Variants in MSTO1 observed in about 807,000 individuals in gnomAD.
MSTO1 encodes misato mitochondrial distribution and morphology regulator 1.
A neutral mutation model predicts 55.7 loss-of-function variants in MSTO1; 24 were observed. The ratio of observed to expected loss-of-function variants is 0.43; its 90% confidence interval spans 0.31 to 0.61. The LOEUF (loss-of-function observed/expected upper bound fraction) is 0.61. Ranked by LOEUF, MSTO1 falls within the 20% of genes least tolerant of loss-of-function variation. The pLI is 0.09. For missense variants in MSTO1, 363 were observed against 625.7 expected (o/e 0.58, Z 4.48); for synonymous variants, 162 against 252.8 (o/e 0.64, Z 3.41).
the MSTO1 span, among the ~76,000 whole-genome samples, chr1:155,573,350 C>T: frequency 6.6e-6 from 1 of 151,970 alleles, no homozygotes; most frequent in African/African-American, 2.4e-5. Context: ...ATCGCTTGAG[C>T]CCAAGAGTTT....
the MSTO1 span, chr1:155,586,771 T>C: frequency 2.3e-6 from 1 of 432,978 alleles, no homozygotes; most frequent in Non-Finnish European, 4.6e-6. Flanking sequence ...TTTTTTTAAC[T>C]CAGTCTTGCT....
At chr1:155,591,497 T>C in the MSTO1 span, among the ~76,000 whole-genome samples, 1 of 152,256 alleles carries the variant, frequency 6.6e-6, no homozygotes, top group East Asian at 1.9e-4. Flanking sequence ...ACTAAAGATT[T>C]CATTTTGCTG....
chr1:155,599,502 G>A, the MSTO1 span, among the ~76,000 whole-genome samples: 2 of 152,124 alleles, frequency 1.3e-5, no homozygotes, highest in Non-Finnish European at 2.9e-5. Context: ...ATCAGTATAG[G>A]TTGTCAAAAC....
chr1:155,590,844 C>CGCCGTCCAGCAA, the MSTO1 span: 3 of 1,607,820 alleles, frequency 1.9e-6, no homozygotes, highest in East Asian at 6.7e-5. Context: ...TGATGGCATG[C>CGCCGTCCAGCAA]GCCGTCCAGC....
At position 155,613,252 on chromosome 1, in the gene MSTO1, TAGG is replaced by T. The variant is rs758421047; in HGVS notation, c.1283+22_1283+24del. 477 of 1,606,418 alleles carry T rather than the reference TAGG, an allele frequency of 3.0e-4. 4 individuals are homozygous for T. The East Asian group carries it at 8.6e-3, about 29-fold the overall frequency. ...ACACAAGGTGAGAGCTGTTGGTCCTTAGGAGTCCTTGTCAGATTTTTGTCTCAT... is the reference window on the plus strand; with the variant it reads ...ACACAAGGTGAGAGCTGTTGGTCCTTAGTCCTTGTCAGATTTTTGTCTCAT... On this transcript the variant is annotated intron_variant, in intron 11 of 13. Coordinates refer to ENST00000245564, the MANE Select transcript of MSTO1 (RefSeq NM_018116.4).
Position 155,612,984 on chromosome 1 carries a change from C to G in MSTO1, c.1098+9C>G, listed in dbSNP as rs1429753740. 3.1e-6 allele frequency: 5 copies of G among 1,613,966 alleles called. No homozygotes were observed. The East Asian group carries it at 1.1e-4, about 36-fold the overall frequency. ...GCTTCTGTGGGAAAAAGGTATGAAG[C>G]TTTGTAAGGGGTTGGGTCAGTGCTG... On this transcript the variant is annotated intron_variant, in intron 10 of 13. Coordinates refer to ENST00000245564, the MANE Select transcript of MSTO1 (RefSeq NM_018116.4).
At chr1:155,604,156 A>T in the MSTO1 span, among the ~76,000 whole-genome samples, 1 of 152,240 alleles carries the variant, frequency 6.6e-6, no homozygotes, top group East Asian at 1.9e-4. Context: ...CCCCTGAGCA[A>T]CAACGTTTTT....
the MSTO1 span, among the ~76,000 whole-genome samples, chr1:155,588,681 T>C: frequency 2.0e-5 from 3 of 152,122 alleles, no homozygotes; most frequent in African/African-American, 7.2e-5. Context: ...AGTAGAATCA[T>C]GAAAAAATGA....
chr1:155,601,696 A>C, the MSTO1 span, among the ~76,000 whole-genome samples: 2 of 152,158 alleles, frequency 1.3e-5, no homozygotes, highest in South Asian at 4.2e-4. Context: ...AAGAGGCTGG[A>C]ATATTTCCAG....
upstream of MSTO1, among the ~76,000 whole-genome samples, chr1:155,606,703 T>C (rs757567158): frequency 5.3e-5 from 8 of 151,428 alleles, no homozygotes; most frequent in Non-Finnish European, 1.0e-4. Context: ...TTTTTTTTTG[T>C]AGCAACAAGA....
In MSTO1 at chr1:155,612,770, G is replaced by A. The variant is rs1447887449; in HGVS notation, c.967-74G>A. The A allele has an allele frequency of 5.7e-6, 9 of 1,577,560 alleles. No homozygotes were observed. The Admixed American group carries it at 1.5e-4, about 27-fold the overall frequency. On this transcript the variant is annotated intron_variant, in intron 9 of 13. Transcript: ENST00000245564. Reference sequence around the variant, plus strand: ...CCTGATTCGTCCCCTGGGTCTCTCTGGTGTTAATATTCTGCCTCCACACAT... The same window carrying A: ...CCTGATTCGTCCCCTGGGTCTCTCTAGTGTTAATATTCTGCCTCCACACAT...
chr1:155,578,727 G>A, the MSTO1 span, among the ~76,000 whole-genome samples: 1 of 149,502 alleles, frequency 6.7e-6, no homozygotes, highest in African/African-American at 2.5e-5. Flanking sequence ...AGCCAAGATG[G>A]TCTCGATCTC....
upstream of MSTO1, among the ~76,000 whole-genome samples, chr1:155,607,308 G>A (rs1672951828): frequency 6.6e-6 from 1 of 151,952 alleles, no homozygotes; most frequent in South Asian, 2.1e-4. Flanking sequence ...TCAAGTAGCT[G>A]GGATTACAGG....
chr1:155,612,753 G>A lies in MSTO1; in HGVS notation c.967-91G>A, dbSNP rs3863760. 7.8e-5 allele frequency: 119 copies of A among 1,532,344 alleles called. 1 individual carries two copies. The highest frequency in any genetic ancestry group is 3.0e-4 in the African/African-American group (22 of 73,188). The allele number at this position is 1,532,344 out of a possible 1,614,324, so 94.9% of individuals were successfully genotyped here. A position where few individuals can be genotyped will look rare whatever the true frequency, so the allele number is the denominator to read the frequency against. ...CTGGGGTCAAACATACCCCTGATTCGTCCCCTGGGTCTCTCTGGTGTTAAT... is the reference window on the plus strand; with the variant it reads ...CTGGGGTCAAACATACCCCTGATTCATCCCCTGGGTCTCTCTGGTGTTAAT... On this transcript the variant is annotated intron_variant, in intron 9 of 13. Transcript: ENST00000245564.
chr1:155,568,350 T>C, the MSTO1 span, among the ~76,000 whole-genome samples: 1 of 151,986 alleles, frequency 6.6e-6, no homozygotes, highest in African/African-American at 2.4e-5. Flanking sequence ...AGTGCTGAGA[T>C]TACAGGCATG....
At chr1:155,607,332 G>A (rs1297205424), upstream of MSTO1, among the ~76,000 whole-genome samples, 1 of 150,988 alleles carries the variant, frequency 6.6e-6, no homozygotes, top group Non-Finnish European at 1.5e-5. Context: ...GTGCCACCAC[G>A]CCCAGATAAT....
At chr1:155,590,665 T>C in the MSTO1 span, 9 of 1,432,160 alleles carry the variant, frequency 6.3e-6, no homozygotes, top group Middle Eastern at 3.6e-4. Context: ...AGATGTCCAG[T>C]AGCGGGCCAT....
the MSTO1 span, among the ~76,000 whole-genome samples, chr1:155,598,188 C>T: frequency 4.0e-5 from 6 of 151,206 alleles, no homozygotes; most frequent in Non-Finnish European, 8.8e-5. Context: ...CGCATCTCAG[C>T]TCACCACAAC....
the MSTO1 span, among the ~76,000 whole-genome samples, chr1:155,574,588 A>G: frequency 6.6e-6 from 1 of 152,108 alleles, no homozygotes; most frequent in East Asian, 1.9e-4. Context: ...TTGCTTTCAA[A>G]TAGGACCTCA....
Sources: gnomAD v4.1 joint callset for allele counts (sites outside exome capture counted in the v4.1 genomes callset) on GRCh38, gnomAD v4.1.1 for gene constraint, MANE v1.5 for transcripts, NCBI Gene and HGNC (gene_info 2026-07-23, HGNC 2026-07-21) for gene names.